SH3GL2: variants seen among roughly 807,000 people sequenced by gnomAD.
The protein encoded by SH3GL2 is endophilin-A1.
Under a neutral mutation model 46.0 loss-of-function variants are expected in SH3GL2, and 24 were observed. The ratio of observed to expected loss-of-function variants is 0.52; its 90% CI spans 0.38 to 0.73. The LOEUF (loss-of-function observed/expected upper bound fraction) is 0.73. Among genes scored for constraint, SH3GL2 ranks in the 30% least tolerant of loss-of-function variants. The probability of loss-of-function intolerance (pLI) is 0.00; values close to 1 mark genes in which losing one functional copy is unlikely to be tolerated. For missense variants in SH3GL2, 413 were observed against 424.2 expected (o/e 0.97, Z 0.23); for synonymous variants, 196 against 147.1 (o/e 1.33, Z -2.40).
rs542925452 is a variant in SH3GL2 at position 17,664,129 on chromosome 9, A to G, written c.46-82937A>G. On this transcript the variant is annotated intron_variant, in intron 1 of 8. Coordinates refer to ENST00000380607, the MANE Select transcript of SH3GL2 (RefSeq NM_003026.5). ...CTCCTAGCATTAATTCAGTACGCCT[A>G]AGTGAAGTTGCTAGCTGCTAAAGAA... Among the ~76,000 whole-genome samples the G allele has an allele frequency of 6.8e-4, 103 of 152,314 alleles. 1 individual carries two copies. Among genetic ancestry groups the G allele is most frequent in the African/African-American group, 2.3e-3 (95 of 41,570 alleles).
intron 1 of SH3GL2, among the ~76,000 whole-genome samples, chr9:17,629,968 A>G (rs1819381820): frequency 6.6e-6 from 1 of 152,172 alleles, no homozygotes; most frequent in South Asian, 2.1e-4. Context: ...AGATGCTTGA[A>G]AAAGTGGCAC....
At chr9:17,645,482 TTTTG>T (rs1188524521) in intron 1 of SH3GL2, among the ~76,000 whole-genome samples, 1 of 152,178 alleles carries the variant, frequency 6.6e-6, no homozygotes, top group Non-Finnish European at 1.5e-5. Flanking sequence ...TTCTTTACAA[TTTTG>T]TTTGTTTTTG....
Position 17,769,393 on chromosome 9 carries a change from C to T in SH3GL2, c.187+7884C>T, listed in dbSNP as rs117831033. On this transcript the variant is annotated intron_variant, in intron 3 of 8. Transcript: ENST00000380607. Reference sequence around the variant, plus strand: ...ACTGCCTTTTTCCATTATTACTCTCCTATTTTACATTCTTCACATAGCAGC... The same window carrying T: ...ACTGCCTTTTTCCATTATTACTCTCTTATTTTACATTCTTCACATAGCAGC... Among the ~76,000 whole-genome samples, 143 of 152,286 alleles carry T rather than the reference C, an allele frequency of 9.4e-4. No homozygotes were observed. In the East Asian group the frequency reaches 0.027, roughly 28 times the overall value.
At chr9:17,752,696 A>C (rs1308037449) in intron 2 of SH3GL2, among the ~76,000 whole-genome samples, 1 of 151,960 alleles carries the variant, frequency 6.6e-6, no homozygotes, top group East Asian at 1.9e-4. Context: ...TTGAGGTCCA[A>C]TTTCTTTCTT....
At chr9:17,583,956 A>G (rs1818323081) in intron 1 of SH3GL2, among the ~76,000 whole-genome samples, 1 of 152,116 alleles carries the variant, frequency 6.6e-6, no homozygotes, top group Non-Finnish European at 1.5e-5. Context: ...CAGTTTCTTA[A>G]TTGCCTCTAA....
intron 2 of SH3GL2, among the ~76,000 whole-genome samples, chr9:17,749,071 C>G (rs1205837193): frequency 1.3e-5 from 2 of 152,202 alleles, no homozygotes; most frequent in African/African-American, 4.8e-5. Context: ...TACTGGAATT[C>G]TGAGTCCCAG....
intron 3 of SH3GL2, among the ~76,000 whole-genome samples, chr9:17,766,953 C>G (rs1823335533): frequency 1.3e-5 from 2 of 152,218 alleles, no homozygotes; most frequent in African/African-American, 4.8e-5. Flanking sequence ...AAAAAAAATT[C>G]TGAAAGTCTG....
chr9:17,609,520 C>T (rs1818821970), intron 1 of SH3GL2, among the ~76,000 whole-genome samples: 1 of 152,096 alleles, frequency 6.6e-6, no homozygotes. Flanking sequence ...GGCCACCTCC[C>T]TGCAGCTGTA....
intron 8 of SH3GL2, among the ~76,000 whole-genome samples, chr9:17,794,069 C>G (rs1305194403): frequency 6.6e-6 from 1 of 152,226 alleles, no homozygotes; most frequent in African/African-American, 2.4e-5. Context: ...CCTCTGATCA[C>G]TTTATCATGC....
chr9:17,737,659 C>T (rs1017930026), intron 1 of SH3GL2, among the ~76,000 whole-genome samples: 1 of 152,074 alleles, frequency 6.6e-6, no homozygotes, highest in African/African-American at 2.4e-5. Context: ...TCTTTCTTTC[C>T]TGATTATCCC....
At chr9:17,585,942 A>G (rs1271971425) in intron 1 of SH3GL2, among the ~76,000 whole-genome samples, 1 of 152,194 alleles carries the variant, frequency 6.6e-6, no homozygotes, top group Non-Finnish European at 1.5e-5. Context: ...TATTGTTTCC[A>G]TAATCACTTA....
At chr9:17,598,350 C>G (rs762896397) in intron 1 of SH3GL2, among the ~76,000 whole-genome samples, 4 of 152,172 alleles carry the variant, frequency 2.6e-5, no homozygotes, top group Non-Finnish European at 4.4e-5. Context: ...ACATCTCCAG[C>G]TGGAATAGTT....
chr9:17,787,630 T>G, intron 5 of SH3GL2, 117 bp downstream of exon 5: 1 of 766,798 alleles, frequency 1.3e-6, no homozygotes, highest in South Asian at 1.8e-5. Context: ...TCTGGGCACG[T>G]TAATTACAAA....
chr9:17,724,216 T>C (rs927837428), intron 1 of SH3GL2, among the ~76,000 whole-genome samples: 1 of 152,152 alleles, frequency 6.6e-6, no homozygotes, highest in Non-Finnish European at 1.5e-5. Flanking sequence ...TGCCTTCATG[T>C]ATCATCAGGT....
chr9:17,608,334 G>A (rs889722942), intron 1 of SH3GL2, among the ~76,000 whole-genome samples: 31 of 152,046 alleles, frequency 2.0e-4, no homozygotes, highest in African/African-American at 7.0e-4. Flanking sequence ...TTTTAGTAGA[G>A]ACAGGGTTTC....
chr9:17,793,532 C>T, intron 8 of SH3GL2, 35 bp downstream of exon 8: 1 of 1,602,852 alleles, frequency 6.2e-7, no homozygotes, highest in Non-Finnish European at 8.5e-7. Context: ...ATTGCATAGC[C>T]CTTGGCATAT....
intron 1 of SH3GL2, among the ~76,000 whole-genome samples, chr9:17,736,710 T>C (rs1343450782): frequency 6.6e-6 from 1 of 152,148 alleles, no homozygotes; most frequent in Admixed American, 6.6e-5. Flanking sequence ...GGCTTGCAGT[T>C]TGTCCCTGAT....
intron 1 of SH3GL2, among the ~76,000 whole-genome samples, chr9:17,729,366 C>G (rs976835368): frequency 6.6e-5 from 10 of 152,004 alleles, no homozygotes; most frequent in Non-Finnish European, 1.0e-4. Flanking sequence ...GATATTAGCC[C>G]TTTGTCAGAT....
Position 17,579,210 on chromosome 9 carries a change from C to A in SH3GL2, c.-33C>A, listed in dbSNP as rs374064907. The stretch of plus-strand genomic sequence containing the variant: ...CAGTCCCCCTCCGCCTCCTCCCTCC[C>A]GCACAGCAGCCGCCAGCGCGGCCTC... On this transcript the variant is annotated 5_prime_UTR_variant, in exon 1 of 9. Coordinates refer to ENST00000380607, the MANE Select transcript of SH3GL2 (RefSeq NM_003026.5). The A allele has an allele frequency of 4.3e-5, 66 of 1,518,812 alleles. No homozygotes were observed. The highest frequency in any genetic ancestry group is 5.2e-5 in the Non-Finnish European group (59 of 1,130,672). The allele number at this position is 1,518,812 out of a possible 1,614,324, so 94.1% of individuals were successfully genotyped here.
Sources: gnomAD v4.1 joint callset for allele counts (sites outside exome capture counted in the v4.1 genomes callset) on GRCh38, gnomAD v4.1.1 for gene constraint, MANE v1.5 for transcripts, NCBI Gene and HGNC (gene_info 2026-07-23, HGNC 2026-07-21) for gene names.